Variants in DLGAP1 observed in about 807,000 individuals in gnomAD.
DLGAP1 encodes DLG associated protein 1, also known as disks large-associated protein 1.
A neutral mutation model predicts 90.8 loss-of-function variants in DLGAP1; 11 were observed. The ratio of observed to expected loss-of-function variants is 0.12; its 90% CI spans 0.08 to 0.20. The LOEUF (loss-of-function observed/expected upper bound fraction) is 0.20, where lower values mean the gene tolerates loss of function less well. Ranked by LOEUF, DLGAP1 falls within the 10% of genes least tolerant of loss-of-function variation. The pLI, the probability that DLGAP1 is intolerant of heterozygous loss-of-function variation, is 1.00. For missense variants in DLGAP1, 1,050 were observed against 1,333.8 expected, an observed-to-expected ratio of 0.79 and a Z score of 3.31; for synonymous variants, 558 against 540.7, an observed-to-expected ratio of 1.03 and a Z score of -0.44.
intron 2 of DLGAP1, among the ~76,000 whole-genome samples, chr18:4,071,888 T>C (rs1326459985): frequency 1.3e-5 from 2 of 152,236 alleles, no homozygotes; most frequent in Non-Finnish European, 2.9e-5. Flanking sequence ...TTCCTAAGTA[T>C]ATTGCAGCCC....
In DLGAP1 at chr18:3,953,702, A is replaced by C. The variant is rs545880813; in HGVS notation, c.-73+51414T>G. Among the ~76,000 whole-genome samples, 8 of 152,348 alleles carry C rather than the reference A, an allele frequency of 5.3e-5. No individual in the cohort carries two copies. The South Asian group carries it at 1.7e-3, about 32-fold the overall frequency. On this transcript the variant is annotated intron_variant, in intron 3 of 12. Transcript: ENST00000315677. Reference sequence around the variant, plus strand: ...TTTCTTTCTCTTTGGTTATATACCCAGTAGTTTTTGGATTGCTGAATTGAA... The same window carrying C: ...TTTCTTTCTCTTTGGTTATATACCCCGTAGTTTTTGGATTGCTGAATTGAA...
chr18:4,377,340 T>G (rs950220165), intron 1 of DLGAP1, among the ~76,000 whole-genome samples: 3 of 152,170 alleles, frequency 2.0e-5, no homozygotes, highest in African/African-American at 7.2e-5. Context: ...ACTATCATAT[T>G]CCTCTAAATT....
chr18:4,445,031 G>A (rs1449932616), intron 1 of DLGAP1, among the ~76,000 whole-genome samples: 1 of 152,192 alleles, frequency 6.6e-6, no homozygotes, highest in East Asian at 1.9e-4. Flanking sequence ...TCATGAATCT[G>A]TTGACTATCT....
chr18:3,830,755 A>G (rs1429758267), intron 4 of DLGAP1, among the ~76,000 whole-genome samples: 1 of 152,190 alleles, frequency 6.6e-6, no homozygotes, highest in Non-Finnish European at 1.5e-5. Context: ...TTGTTTTAAA[A>G]CCATTTGTTT....
chr18:3,952,702 A>G (rs1568316747), intron 3 of DLGAP1, among the ~76,000 whole-genome samples: 1 of 152,260 alleles, frequency 6.6e-6, no homozygotes, highest in Non-Finnish European at 1.5e-5. Flanking sequence ...CAATGAGATT[A>G]TCTTGCATAA....
chr18:3,640,071 A>T (rs2058883210), intron 7 of DLGAP1, among the ~76,000 whole-genome samples: 1 of 152,054 alleles, frequency 6.6e-6, no homozygotes, highest in African/African-American at 2.4e-5. Context: ...TGCCTTTTAA[A>T]TTAATTAGCC....
chr18:3,941,888 A>T lies in DLGAP1; in HGVS notation c.-72-61748T>A, dbSNP rs537254091. 2.0e-5 allele frequency among the ~76,000 whole-genome samples: 3 copies of T among 152,158 alleles called. No individual in the cohort carries two copies. The South Asian group carries it at 6.2e-4, about 32-fold the overall frequency. Reference sequence around the variant, plus strand: ...CCAGCATGCCTGGCTAATTTTTTAAATTTTTTGTAAAGACAGGGCCTCACT... The same window carrying T: ...CCAGCATGCCTGGCTAATTTTTTAATTTTTTTGTAAAGACAGGGCCTCACT... On this transcript the variant is annotated intron_variant, in intron 3 of 12. Transcript: ENST00000315677.
At chr18:3,512,900 C>A (rs1456992602) in intron 10 of DLGAP1, among the ~76,000 whole-genome samples, 1 of 152,186 alleles carries the variant, frequency 6.6e-6, no homozygotes, top group African/African-American at 2.4e-5. Context: ...GAAATCTACC[C>A]TCTTAACAAA....
At chr18:4,406,312 T>C (rs1483392614) in intron 1 of DLGAP1, among the ~76,000 whole-genome samples, 1 of 152,186 alleles carries the variant, frequency 6.6e-6, no homozygotes, top group Non-Finnish European at 1.5e-5. Context: ...CCTGGTCCTA[T>C]TGTTACTTGA....
At chr18:4,347,928 T>C (rs1237672228) in intron 1 of DLGAP1, among the ~76,000 whole-genome samples, 1 of 152,114 alleles carries the variant, frequency 6.6e-6, no homozygotes, top group Non-Finnish European at 1.5e-5. Flanking sequence ...ATAATTAATG[T>C]TAATTCCCAA....
At chr18:3,546,512 G>A (rs995195187) in intron 9 of DLGAP1, among the ~76,000 whole-genome samples, 5 of 151,100 alleles carry the variant, frequency 3.3e-5, no homozygotes, top group African/African-American at 9.7e-5. Flanking sequence ...AACAAGTTTC[G>A]ATAAATTTTC....
chr18:3,663,064 G>A (rs1032472590), intron 7 of DLGAP1, among the ~76,000 whole-genome samples: 2 of 152,128 alleles, frequency 1.3e-5, no homozygotes, highest in East Asian at 1.9e-4. Context: ...CTGAGGTCAG[G>A]AGTTCGAGAT....
At chr18:3,654,522 A>G (rs2059416813) in intron 7 of DLGAP1, among the ~76,000 whole-genome samples, 1 of 152,358 alleles carries the variant, frequency 6.6e-6, no homozygotes, top group Middle Eastern at 3.4e-3. Context: ...ATGTAAAACT[A>G]TGACTTCAAA....
chr18:3,711,017 G>T lies in DLGAP1; in HGVS notation c.1591+18118C>A, dbSNP rs192127668. Among the ~76,000 whole-genome samples the T allele has an allele frequency of 1.3e-5, 2 of 152,324 alleles. No homozygotes were observed. The highest frequency in any genetic ancestry group is 4.8e-5 in the African/African-American group (2 of 41,572). On this transcript the variant is annotated intron_variant, in intron 7 of 12. Coordinates refer to ENST00000315677, the MANE Select transcript of DLGAP1 (RefSeq NM_004746.4). The surrounding 1 kb of genome is among the most constrained non-coding windows in gnomAD (Gnocchi z 4.0). ...GGGCTAGGGAAACACGGGAGTGAGG[G>T]CAAGAAGAAGGCCAGTGCGTCTGCA...
At chr18:3,679,060 G>A (rs568207082) in intron 7 of DLGAP1, among the ~76,000 whole-genome samples, 1 of 152,190 alleles carries the variant, frequency 6.6e-6, no homozygotes, top group Non-Finnish European at 1.5e-5. Flanking sequence ...TCACACTCCT[G>A]GGCTCAAGCA....
intron 7 of DLGAP1, among the ~76,000 whole-genome samples, chr18:3,708,097 C>T (rs1008644860): frequency 2.0e-5 from 3 of 151,860 alleles, no homozygotes; most frequent in South Asian, 2.1e-4. Flanking sequence ...CCTCCACCTC[C>T]GGGGCTCAAG....
chr18:3,687,421 C>T (rs79950335), intron 7 of DLGAP1, among the ~76,000 whole-genome samples: 2,064 of 152,234 alleles, frequency 0.014, 61 homozygotes, highest in African/African-American at 0.047. Context: ...ATAATGTAAG[C>T]ATACGCCAAC....
rs2049890689 is a variant in DLGAP1 at position 3,500,820 on chromosome 18, GA to G, written c.2725-1427del. Among the ~76,000 whole-genome samples the G allele has an allele frequency of 2.0e-5, 3 of 152,016 alleles. 1 individual carries two copies. The South Asian group carries it at 6.2e-4, about 32-fold the overall frequency. ...TTAGACATTTTAAATCTTCATTGTG[GA>G]ATAACTCAGTGGATATTTTTAGAAA... On this transcript the variant is annotated intron_variant, in intron 12 of 12. Transcript: ENST00000315677.
At chr18:3,801,840 G>GCTAA (rs1487404146) in intron 5 of DLGAP1, among the ~76,000 whole-genome samples, 1 of 152,108 alleles carries the variant, frequency 6.6e-6, no homozygotes, top group Non-Finnish European at 1.5e-5. Flanking sequence ...CTGCTGAGAT[G>GCTAA]TTAGAAGATA....
Sources: allele counts gnomAD v4.1 joint callset (sites outside exome capture counted in the v4.1 genomes callset), GRCh38; gene constraint gnomAD v4.1.1; non-coding constraint Gnocchi (gnomAD v3.1); transcripts MANE v1.5; gene names NCBI Gene and HGNC (gene_info 2026-07-23, HGNC 2026-07-21).